Variants in SGCZ observed in about 807,000 individuals in gnomAD.
SGCZ encodes the protein zeta-sarcoglycan.
Under a neutral mutation model 41.3 loss-of-function variants are expected in SGCZ, and 40 were observed. The ratio of observed to expected loss-of-function variants is 0.97; its 90% CI spans 0.75 to 1.26. The LOEUF (loss-of-function observed/expected upper bound fraction) is 1.26. Ranked by LOEUF, SGCZ falls within the 50% of genes most tolerant of loss-of-function variation. The pLI, the probability that SGCZ is intolerant of heterozygous loss-of-function variation, is 0.00. For synonymous variants in SGCZ, 206 were observed against 137.5 expected (o/e 1.50, Z -3.49); for missense variants, 552 against 369.8 (o/e 1.49, Z -4.04).
At chr8:14,913,620 A>G (rs1202860372) in intron 1 of SGCZ, among the ~76,000 whole-genome samples, 1 of 152,082 alleles carries the variant, frequency 6.6e-6, no homozygotes, top group East Asian at 1.9e-4. Flanking sequence ...TTCTACCATA[A>G]TATACATTAA....
intron 1 of SGCZ, among the ~76,000 whole-genome samples, chr8:15,044,499 A>G (rs1234200458): frequency 6.6e-6 from 1 of 152,172 alleles, no homozygotes; most frequent in Non-Finnish European, 1.5e-5. Flanking sequence ...CCAAAAATAC[A>G]TACAGAATCA....
chr8:14,930,518 T>C (rs1214338919), intron 1 of SGCZ, among the ~76,000 whole-genome samples: 2 of 152,040 alleles, frequency 1.3e-5, no homozygotes, highest in Non-Finnish European at 2.9e-5. Context: ...ATCATTCTAC[T>C]ATAAAGACAC....
chr8:14,819,143 A>AC (rs397958459), intron 1 of SGCZ, among the ~76,000 whole-genome samples: 2 of 150,772 alleles, frequency 1.3e-5, no homozygotes, highest in Admixed American at 1.3e-4. Flanking sequence ...AAAAAAAAAA[A>AC]GTAAAAGTAA....
intron 1 of SGCZ, among the ~76,000 whole-genome samples, chr8:14,592,570 G>C (rs556777527): frequency 2.7e-5 from 4 of 150,666 alleles, no homozygotes; most frequent in African/African-American, 9.8e-5. Context: ...AAAACACCTA[G>C]CATATTTTAT....
chr8:14,234,058 T>TG (rs1180761480), intron 4 of SGCZ, among the ~76,000 whole-genome samples: 4 of 151,980 alleles, frequency 2.6e-5, no homozygotes, highest in African/African-American at 4.8e-5. Context: ...CTAGACTTAG[T>TG]GGGGGAAATT....
At chr8:14,291,285 C>T (rs1222870932) in intron 3 of SGCZ, among the ~76,000 whole-genome samples, 1 of 151,946 alleles carries the variant, frequency 6.6e-6, no homozygotes. Flanking sequence ...TTCAAAATAG[C>T]TAGAAGAGGG....
intron 1 of SGCZ, among the ~76,000 whole-genome samples, chr8:15,095,993 GAAC>G (rs1806331169): frequency 6.6e-6 from 1 of 152,022 alleles, no homozygotes; most frequent in South Asian, 2.1e-4. Flanking sequence ...TCTGTGTTTT[GAAC>G]AACAAAAATG....
In SGCZ at chr8:14,386,783, T is replaced by C. The variant is rs556697659; in HGVS notation, c.235-62579A>G. Among the ~76,000 whole-genome samples the C allele has an allele frequency of 1.1e-4, 17 of 152,310 alleles. 1 individual carries two copies. The South Asian group carries it at 3.5e-3, about 32-fold the overall frequency. ...AACAGAATACTAAAATCAATGCCTA[T>C]ACATGCAAGACAGAATTAGACAAGA... On this transcript the variant is annotated intron_variant, in intron 2 of 7. Coordinates refer to ENST00000382080, the MANE Select transcript of SGCZ (RefSeq NM_139167.4).
chr8:14,177,958 CTTTTT>C (rs147303437), intron 4 of SGCZ, among the ~76,000 whole-genome samples: 1 of 95,050 alleles, frequency 1.1e-5, no homozygotes, highest in African/African-American at 3.7e-5. Context: ...CTTTTTTTTT[CTTTTT>C]TTTTTTTTTT....
At chr8:14,853,103 A>T (rs766603652) in intron 1 of SGCZ, among the ~76,000 whole-genome samples, 1 of 152,196 alleles carries the variant, frequency 6.6e-6, no homozygotes, top group Admixed American at 6.6e-5. Flanking sequence ...TATTTGAAGA[A>T]AGTCAAATTA....
At chr8:14,913,626 ATTAAT>A (rs1010802817) in intron 1 of SGCZ, among the ~76,000 whole-genome samples, 1 of 152,102 alleles carries the variant, frequency 6.6e-6, no homozygotes, top group Non-Finnish European at 1.5e-5. Context: ...CATAATATAC[ATTAAT>A]TTAATTTTCA....
intron 1 of SGCZ, among the ~76,000 whole-genome samples, chr8:14,743,771 A>G (rs1799265605): frequency 6.6e-6 from 1 of 152,134 alleles, no homozygotes; most frequent in Admixed American, 6.6e-5. Context: ...GAAACTAAAG[A>G]ATAAAAGTCC....
In SGCZ at chr8:14,276,527, T is replaced by C. The variant is rs372569416; in HGVS notation, c.337-38848A>G. ...CAACAAATAGTACCTCAACTGTTAATAATTCTACATCTTTTTTATCACTGG... is the reference window on the plus strand; with the variant it reads ...CAACAAATAGTACCTCAACTGTTAACAATTCTACATCTTTTTTATCACTGG... On this transcript the variant is annotated intron_variant, in intron 3 of 7. Transcript: ENST00000382080. Among the ~76,000 whole-genome samples the C allele has an allele frequency of 5.9e-5, 9 of 152,172 alleles. No individual in the cohort carries two copies. The East Asian group carries it at 9.6e-4, about 16-fold the overall frequency.
At chr8:14,476,395 A>G (rs73525368) in intron 2 of SGCZ, among the ~76,000 whole-genome samples, 2 of 152,038 alleles carry the variant, frequency 1.3e-5, no homozygotes, top group South Asian at 4.1e-4. Flanking sequence ...ATCTTTCCTT[A>G]TATATTTCTA....
In SGCZ at chr8:14,270,265, G is replaced by C. The variant is rs145555070; in HGVS notation, c.337-32586C>G. On this transcript the variant is annotated intron_variant, in intron 3 of 7. Transcript: ENST00000382080. ...GAGAATCACTAGAACCTGGGAGGCGGAGGTTGCAGTGAGCCGAGATCATGC... is the reference window on the plus strand; with the variant it reads ...GAGAATCACTAGAACCTGGGAGGCGCAGGTTGCAGTGAGCCGAGATCATGC... 9.2e-3 allele frequency among the ~76,000 whole-genome samples: 1,406 copies of C among 152,158 alleles called. 24 individuals carry two copies. The highest frequency in any genetic ancestry group is 0.032 in the African/African-American group (1,324 of 41,494).
intron 1 of SGCZ, among the ~76,000 whole-genome samples, chr8:14,933,458 G>C (rs1474346019): frequency 7.4e-6 from 1 of 135,218 alleles, no homozygotes; most frequent in Admixed American, 8.1e-5. Flanking sequence ...TGGAGACGGA[G>C]TCTCGCTCTG....
At chr8:14,919,325 C>T (rs977892703) in intron 1 of SGCZ, among the ~76,000 whole-genome samples, 3 of 152,032 alleles carry the variant, frequency 2.0e-5, no homozygotes, top group Non-Finnish European at 2.9e-5. Context: ...CCTATAATCC[C>T]AGCTACTCAG....
chr8:14,588,739 A>C (rs1003278471), intron 1 of SGCZ, among the ~76,000 whole-genome samples: 2 of 152,198 alleles, frequency 1.3e-5, no homozygotes, highest in African/African-American at 2.4e-5. Flanking sequence ...CTCAACAAGA[A>C]ATGTAGTCTG....
Position 14,710,882 on chromosome 8 carries a change from C to T in SGCZ, c.40-155956G>A, listed in dbSNP as rs1708332886. On this transcript the variant is annotated intron_variant, in intron 1 of 7. Coordinates refer to ENST00000382080, the MANE Select transcript of SGCZ (RefSeq NM_139167.4). ...ATTCAGAGATGTTTTGTAAAACACA[C>T]TCAAAACGAAGACCGAATACACAAT... 2.0e-5 allele frequency among the ~76,000 whole-genome samples: 3 copies of T among 152,038 alleles called. No individual in the cohort carries two copies. The South Asian group carries it at 6.2e-4, about 31-fold the overall frequency.
Sources: gnomAD v4.1 joint callset for allele counts (sites outside exome capture counted in the v4.1 genomes callset) on GRCh38, gnomAD v4.1.1 for gene constraint, MANE v1.5 for transcripts, NCBI Gene and HGNC (gene_info 2026-07-23, HGNC 2026-07-21) for gene names.